The following RBMS3 variants were observed in gnomAD, a reference collection of about 807,000 sequenced individuals.
RBMS3 encodes RNA-binding motif, single-stranded-interacting protein 3.
RBMS3 carries 27 observed loss-of-function variants against 66.8 expected under a neutral mutation model. The ratio of observed to expected loss-of-function variants is 0.40; its 90% CI spans 0.30 to 0.56. The LOEUF is 0.56. Ranked by LOEUF, RBMS3 falls within the 20% of genes least tolerant of loss-of-function variation. RBMS3 has a pLI of 0.40. For missense variants in RBMS3, 513 were observed against 549.5 expected, an observed-to-expected ratio of 0.93 and a Z score of 0.66; for synonymous variants, 188 against 183.0, an observed-to-expected ratio of 1.03 and a Z score of -0.22.
intron 10 of RBMS3, among the ~76,000 whole-genome samples, chr3:29,924,328 T>C (rs1055259559): frequency 2.6e-5 from 4 of 152,214 alleles, no homozygotes; most frequent in Non-Finnish European, 5.9e-5. Context: ...CACAAATCTA[T>C]ATCTAGCAGC....
intron 6 of RBMS3, among the ~76,000 whole-genome samples, chr3:29,858,775 TAGGGA>T (rs1189215385): frequency 6.6e-6 from 1 of 152,240 alleles, no homozygotes; most frequent in East Asian, 1.9e-4. Context: ...TCTTTTTATA[TAGGGA>T]AGGAATTATC....
At position 30,009,658 on chromosome 3, in the gene RBMS3, A is replaced by T. The variant is rs1178616341; in HGVS notation, c.*5796A>T. 1 of 152,142 alleles carries T rather than the reference A, an allele frequency of 6.6e-6. No individual in the cohort carries two copies. Among genetic ancestry groups the T allele is most frequent in the African/African-American group, 2.4e-5 (1 of 41,442 alleles). 9.4% of individuals were successfully genotyped at this position (152,142 alleles called of 1,614,324 possible). On this transcript the variant is annotated 3_prime_UTR_variant, in exon 15 of 15. Transcript: ENST00000383767. ...TTGGTACAGTCATATTCATATTTTT[A>T]AATCTTTCTTTGACCAAAACTATTG...
chr3:29,713,616 C>T (rs958096599), intron 4 of RBMS3, among the ~76,000 whole-genome samples: 1 of 152,154 alleles, frequency 6.6e-6, no homozygotes, highest in Non-Finnish European at 1.5e-5. Context: ...TCTCCACATT[C>T]TCTTCAAACA....
intron 4 of RBMS3, among the ~76,000 whole-genome samples, chr3:29,642,451 G>A (rs914789777): frequency 2.6e-5 from 4 of 151,974 alleles, no homozygotes; most frequent in African/African-American, 9.7e-5. Flanking sequence ...AGTTATATTT[G>A]CCATATAAAA....
chr3:29,949,009 C>CA (rs1429233454), intron 12 of RBMS3, among the ~76,000 whole-genome samples: 4 of 151,696 alleles, frequency 2.6e-5, no homozygotes, highest in Non-Finnish European at 5.9e-5. Context: ...AAGTATTTGA[C>CA]AAAAATAGGC....
In RBMS3 at chr3:30,008,589, C is replaced by CTTATTGA. The variant is rs1216132944; in HGVS notation, c.*4727_*4728insTTATTGA. The stretch of plus-strand genomic sequence containing the variant: ...AAAATTTTGAGCTTACTGGGACTGA[C>CTTATTGA]AGCCTCTCACTTCAATCTGAGGGAT... On this transcript the variant is annotated 3_prime_UTR_variant, in exon 15 of 15. Transcript: ENST00000383767. 6.6e-6 allele frequency: 1 copy of CTTATTGA among 152,056 alleles called. No individual in the cohort carries two copies. The highest frequency in any genetic ancestry group is 1.5e-5 in the Non-Finnish European group (1 of 67,948). 9.4% of individuals were successfully genotyped at this position (152,056 alleles called of 1,614,324 possible). A position where few individuals can be genotyped will look rare whatever the true frequency, so the allele number is the denominator to read the frequency against.
chr3:29,897,258 ATGGT>A, intron 8 of RBMS3, 117 bp from the exon 9 acceptor site: 1 of 788,514 alleles, frequency 1.3e-6, no homozygotes. Flanking sequence ...GTTCTTGTTA[ATGGT>A]TGGTGGAAAA....
chr3:29,697,149 T>G (rs1259756824), intron 4 of RBMS3: 3 of 970,934 alleles, frequency 3.1e-6, no homozygotes, highest in Non-Finnish European at 3.7e-6. Flanking sequence ...TACAGTAATA[T>G]GGATCTAAGT....
At chr3:29,610,873 A>G (rs962257923) in intron 4 of RBMS3, among the ~76,000 whole-genome samples, 5 of 152,046 alleles carry the variant, frequency 3.3e-5, no homozygotes, top group African/African-American at 1.2e-4. Context: ...GCATTAATGT[A>G]TCTACACACA....
chr3:29,646,573 A>G (rs2049928954), intron 4 of RBMS3, among the ~76,000 whole-genome samples: 1 of 152,110 alleles, frequency 6.6e-6, no homozygotes, highest in Non-Finnish European at 1.5e-5. Context: ...AAGTATGTCT[A>G]CATTTAAATA....
intron 6 of RBMS3, among the ~76,000 whole-genome samples, chr3:29,837,935 T>C (rs1474382142): frequency 2.0e-5 from 3 of 151,314 alleles, no homozygotes; most frequent in East Asian, 3.9e-4. Context: ...AGGTGTCGAA[T>C]TGTCATTTTC....
chr3:29,785,457 A>C (rs1439710316), intron 6 of RBMS3, among the ~76,000 whole-genome samples: 1 of 152,098 alleles, frequency 6.6e-6, no homozygotes, highest in Admixed American at 6.6e-5. Context: ...TATGGAACAA[A>C]ACAAGAGCCC....
intron 4 of RBMS3, among the ~76,000 whole-genome samples, chr3:29,721,106 A>T (rs1248406708): frequency 1.3e-5 from 2 of 152,198 alleles, no homozygotes; most frequent in Non-Finnish European, 2.9e-5. Context: ...GATTTGGCAA[A>T]ATAACATTAT....
At chr3:29,983,591 C>A (rs989500095) in intron 12 of RBMS3, among the ~76,000 whole-genome samples, 1 of 151,900 alleles carries the variant, frequency 6.6e-6, no homozygotes, top group Non-Finnish European at 1.5e-5. Flanking sequence ...CCTTCAGGAG[C>A]TCTTGTAAGG....
intron 3 of RBMS3, among the ~76,000 whole-genome samples, chr3:29,564,297 T>A (rs1227959085): frequency 8.6e-5 from 13 of 151,852 alleles, no homozygotes; most frequent in Non-Finnish European, 1.6e-4. Flanking sequence ...ACCAACATAG[T>A]GAAACATGTC....
chr3:29,737,119 G>T (rs2054416697), intron 4 of RBMS3, among the ~76,000 whole-genome samples: 1 of 151,964 alleles, frequency 6.6e-6, no homozygotes, highest in Admixed American at 6.5e-5. Context: ...TGGGACTACA[G>T]GCGCCCGCCA....
chr3:29,669,713 C>T (rs1470581248), intron 4 of RBMS3, among the ~76,000 whole-genome samples: 2 of 152,114 alleles, frequency 1.3e-5, no homozygotes, highest in African/African-American at 4.8e-5. Context: ...CATTCTCTTC[C>T]TCATTCCACT....
At chr3:29,363,474 A>G (rs1231906463) in intron 1 of RBMS3, among the ~76,000 whole-genome samples, 1 of 152,156 alleles carries the variant, frequency 6.6e-6, no homozygotes, top group Non-Finnish European at 1.5e-5. Flanking sequence ...ACATTACCAC[A>G]AAGTCAATTG....
chr3:29,804,995 A>G (rs2057502819), intron 6 of RBMS3, among the ~76,000 whole-genome samples: 1 of 150,904 alleles, frequency 6.6e-6, no homozygotes, highest in East Asian at 2.0e-4. Flanking sequence ...TATGTACTGA[A>G]TGAGTTTAAT....
Sources: allele counts gnomAD v4.1 joint callset (sites outside exome capture counted in the v4.1 genomes callset), GRCh38; gene constraint gnomAD v4.1.1; transcripts MANE v1.5; gene names NCBI Gene and HGNC (gene_info 2026-07-23, HGNC 2026-07-21).